Variants in TECTA observed in about 807,000 individuals in gnomAD.
The protein encoded by TECTA is alpha-tectorin.
TECTA carries 128 observed loss-of-function variants against 216.8 expected under a neutral mutation model. That is an observed-to-expected ratio of 0.59 (90% CI 0.51 to 0.68). TECTA has a LOEUF of 0.68. Ranked by LOEUF, TECTA falls within the 30% of genes least tolerant of loss-of-function variation. TECTA has a pLI of 0.00. For missense variants in TECTA, 2,551 were observed against 2,786.2 expected (o/e 0.92, Z 1.90); for synonymous variants, 1,089 against 1,117.1 (o/e 0.97, Z 0.50).
chr11:121,144,345 C>T (rs940186217), intron 11 of TECTA, among the ~76,000 whole-genome samples: 1 of 151,834 alleles, frequency 6.6e-6, no homozygotes, highest in Non-Finnish European at 1.5e-5. Context: ...AATCCTGGGG[C>T]CAGGGGGACA....
intron 9 of TECTA, 23 bp from the exon 10 acceptor site, chr11:121,129,615 A>G (rs1388196437): frequency 1.2e-6 from 2 of 1,612,744 alleles, no homozygotes; most frequent in Admixed American, 1.7e-5. Context: ...TCTGGAATTG[A>G]TAAGAATGAC....
At chr11:121,154,091 G>T (rs1023031495) in intron 13 of TECTA, among the ~76,000 whole-genome samples, 1 of 152,144 alleles carries the variant, frequency 6.6e-6, no homozygotes, top group African/African-American at 2.4e-5. Flanking sequence ...TAACCTATCA[G>T]CAAGTGAAAA....
chr11:121,151,433 G>T (rs1344718560), intron 12 of TECTA, among the ~76,000 whole-genome samples: 1 of 152,186 alleles, frequency 6.6e-6, no homozygotes, highest in Non-Finnish European at 1.5e-5. Context: ...GAGGCTAAAT[G>T]GAATGAATAT....
At chr11:121,151,380 C>A (rs2135113008) in intron 12 of TECTA, among the ~76,000 whole-genome samples, 1 of 152,292 alleles carries the variant, frequency 6.6e-6, no homozygotes, top group East Asian at 1.9e-4. Context: ...AGCATAAACA[C>A]ATAAAGTACA....
rs1387383180 is a variant in TECTA, at chr11:121,173,201, C to T, written c.5999+4276C>T. On this transcript the variant is annotated intron_variant, in intron 20 of 23. Coordinates refer to ENST00000392793, the MANE Select transcript of TECTA (RefSeq NM_005422.4). ...AGAAGCTCTTTAGTTTAATTAGATC[C>T]CATTTGTCAATTTTGGTTTTTGTTG... Among the ~76,000 whole-genome samples, 5 of 151,656 alleles carry T rather than the reference C, an allele frequency of 3.3e-5. No individual in the cohort carries two copies. In the East Asian group the frequency reaches 5.8e-4, roughly 18 times the overall value.
intron 20 of TECTA, among the ~76,000 whole-genome samples, chr11:121,175,082 TTTC>T (rs1342320261): frequency 5.3e-5 from 8 of 152,170 alleles, no homozygotes; most frequent in Non-Finnish European, 7.3e-5. Context: ...TCTTCTCTCT[TTTC>T]TTCTTTATTA....
rs755434423 is a variant in TECTA, at chr11:121,158,007, G to A, written c.4472G>A (p.Gly1491Asp). 1 of 1,612,808 alleles carries A rather than the reference G, an allele frequency of 6.2e-7. No homozygotes were observed. Among genetic ancestry groups the A allele is most frequent in the Non-Finnish European group, 8.5e-7 (1 of 1,179,912 alleles). Residue 1491 changes from glycine (G) to aspartate (D), a missense_variant, in exon 14 of 24, where the codon GGC (glycine) becomes GAC (aspartate). Around this residue, in one of 3 missense-constraint regions of TECTA, gnomAD observed 2,375 missense variants for 2,563.9 expected, o/e 0.93. Transcript: ENST00000392793. ...STKTSYCLAAGGGVFRTFDGA... is the reference protein window; with the variant it reads ...STKTSYCLAADGGVFRTFDGA... ...AAGACCTCCTACTGCCTGGCGGCCGGCGGCGGCGTCTTCCGCACCTTCGAC... is the reference window on the plus strand; with the variant it reads ...AAGACCTCCTACTGCCTGGCGGCCGACGGCGGCGTCTTCCGCACCTTCGAC...
intron 10 of TECTA, among the ~76,000 whole-genome samples, chr11:121,133,012 G>A (rs760524230): frequency 1.1e-4 from 16 of 152,144 alleles, no homozygotes; most frequent in Non-Finnish European, 7.4e-5. Flanking sequence ...GATTACAGGC[G>A]TGAGCCACCA....
intron 10 of TECTA, among the ~76,000 whole-genome samples, chr11:121,132,742 T>A (rs758787242): frequency 7.2e-5 from 11 of 152,182 alleles, no homozygotes; most frequent in Non-Finnish European, 8.8e-5. Context: ...TTTTTTGAGA[T>A]GGAGTCTCAC....
intron 6 of TECTA, among the ~76,000 whole-genome samples, chr11:121,117,854 A>G (rs1946515294): frequency 6.6e-6 from 1 of 152,214 alleles, no homozygotes; most frequent in African/African-American, 2.4e-5. Context: ...TGGGCCCCCA[A>G]CAAATGTCTG....
At chr11:121,189,948 A>T in intron 23 of TECTA, 68 bp downstream of exon 23, 1 of 1,365,596 alleles carries the variant, frequency 7.3e-7, no homozygotes, top group Non-Finnish European at 1.0e-6. Context: ...CCAGAAGGAG[A>T]AATTCAGATT....
chr11:121,105,921 C>T lies in TECTA; in HGVS notation c.155C>T (p.Ala52Val). ...GGAAGCTCATCTGAGATTAAGTTGGCCATCCCAGTTTTCTTCTTTGGCGTT... is the reference window on the plus strand; with the variant it reads ...GGAAGCTCATCTGAGATTAAGTTGGTCATCCCAGTTTTCTTCTTTGGCGTT... Reference protein sequence around the residue: ...DDGSSSEIKLAIPVFFFGVPY... With the variant: ...DDGSSSEIKLVIPVFFFGVPY... The change falls in exon 3 of 24, where the codon GCC becomes GTC. Residue 52 changes from alanine (A) to valine (V), a missense_variant. Physicochemically the swap from Ala to Val is moderately conservative, Grantham distance 64. Transcript: ENST00000392793. This position sits in a 1 kb window ranked among gnomAD's most constrained non-coding sequence, Gnocchi z 5.3. The T allele has an allele frequency of 6.2e-7, 1 of 1,614,172 alleles. No homozygotes were observed. The highest frequency in any genetic ancestry group is 1.3e-5 in the African/African-American group (1 of 75,044).
chr11:121,118,786 C>A, intron 7 of TECTA, 68 bp downstream of exon 7: 2 of 1,579,442 alleles, frequency 1.3e-6, no homozygotes, highest in Non-Finnish European at 1.7e-6. Context: ...GGGAAGACTT[C>A]CCCAGATCTA....
chr11:121,169,418 A>G (rs540290712), intron 20 of TECTA, among the ~76,000 whole-genome samples: 30 of 152,356 alleles, frequency 2.0e-4, no homozygotes, highest in African/African-American at 7.0e-4. Flanking sequence ...ACAGTGATAC[A>G]CAACAAAAAT....
Position 121,129,889 on chromosome 11 carries a change from G to A in TECTA, c.2619G>A (p.Val873=), listed in dbSNP as rs920734352. The A allele has an allele frequency of 4.3e-6, 7 of 1,614,078 alleles. No homozygotes were observed. The highest frequency in any genetic ancestry group is 5.9e-6 in the Non-Finnish European group (7 of 1,180,002). Reference sequence around the variant, plus strand: ...GCAAGTGCACGGACAACCTGGCAGTGTTCCTGGAAAGCTGGACAACTTTCG... The same window carrying A: ...GCAAGTGCACGGACAACCTGGCAGTATTCCTGGAAAGCTGGACAACTTTCG... ...PNGKCTDNLA[V]FLESWTTFEE... The change falls in exon 10 of 24, where the codon GTG becomes GTA. Residue 873 remains valine, a synonymous_variant. Coordinates refer to ENST00000392793, the MANE Select transcript of TECTA (RefSeq NM_005422.4).
chr11:121,152,936 C>A lies in TECTA; in HGVS notation c.4161C>A (p.Pro1387=). The A allele has an allele frequency of 6.2e-7, 1 of 1,613,030 alleles. No individual in the cohort carries two copies. Among genetic ancestry groups the A allele is most frequent in the Non-Finnish European group, 8.5e-7 (1 of 1,179,176 alleles). ...AGAGCTGCGTGAGTGTCTGCCAGCC[C>A]CGCTGCGCCGCCATCCGCCTGAAGA... ...HYESCVSVCQ[P]RCAAIRLKSD... is the part of the protein sequence containing the mutation. Residue 1387 remains proline (P), a synonymous_variant, in exon 13 of 24, where the codon CCC becomes CCA. Coordinates refer to ENST00000392793, the MANE Select transcript of TECTA (RefSeq NM_005422.4).
At position 121,109,714 on chromosome 11, in the gene TECTA, CT is replaced by C. The variant is rs762569048; in HGVS notation, c.486+217del. 8.6e-5 allele frequency: 51 copies of C among 596,004 alleles called. 1 individual carries two copies. The East Asian group carries it at 1.1e-3, about 13-fold the overall frequency. The allele number at this position is 596,004 out of a possible 1,614,324, so 36.9% of individuals were successfully genotyped here. A position where few individuals can be genotyped will look rare whatever the true frequency, so the allele number is the denominator to read the frequency against. On this transcript the variant is annotated intron_variant, in intron 4 of 23. Coordinates refer to ENST00000392793, the MANE Select transcript of TECTA (RefSeq NM_005422.4). ...TAATATTTCAGAAGATATGTCACCC[CT>C]ATCACAAATCATCACTAATGCCTAA...
At chr11:121,104,764 G>A (rs1027220486) in intron 2 of TECTA, among the ~76,000 whole-genome samples, 3 of 152,034 alleles carry the variant, frequency 2.0e-5, no homozygotes, top group South Asian at 4.2e-4. Context: ...TGGGGGTGTC[G>A]GCATCTCATA....
chr11:121,119,445 T>C (rs1277418786), intron 7 of TECTA, among the ~76,000 whole-genome samples: 1 of 152,114 alleles, frequency 6.6e-6, no homozygotes, highest in African/African-American at 2.4e-5. Flanking sequence ...TTCCTGTCAC[T>C]GTCCACCTGG....
Sources: gnomAD v4.1 joint callset for allele counts (sites outside exome capture counted in the v4.1 genomes callset) on GRCh38, gnomAD v4.1.1 for gene constraint, gnomAD v4.1.1 regional missense constraint, Gnocchi (gnomAD v3.1) non-coding constraint, MANE v1.5 for transcripts, NCBI Gene and HGNC (gene_info 2026-07-23, HGNC 2026-07-21) for gene names.